The following ZFHX3 variants were observed in gnomAD, a reference collection of about 807,000 sequenced individuals.
ZFHX3 encodes zinc finger homeobox 3.
A neutral mutation model predicts 279.1 loss-of-function variants in ZFHX3; 42 were observed. That is an observed-to-expected ratio of 0.15 (90% CI 0.12 to 0.19). The LOEUF (loss-of-function observed/expected upper bound fraction) is 0.19, where lower values mean the gene tolerates loss of function less well. ZFHX3 is among the 10% of genes least tolerant of loss of function. The pLI, the probability that ZFHX3 is intolerant of heterozygous loss-of-function variation, is 1.00. For synonymous variants in ZFHX3, 2,293 were observed against 1,957.8 expected (o/e 1.17, Z -4.52); for missense variants, 4,981 against 4,754.0 (o/e 1.05, Z -1.40).
chr16:72,798,852 GA>G (rs916124529), intron 8 of ZFHX3, 138 bp from the exon 9 acceptor site: 4 of 1,396,490 alleles, frequency 2.9e-6, no homozygotes, highest in Admixed American at 6.4e-5. Flanking sequence ...CTGAATGACA[GA>G]ATCTCTGCGG....
chr16:73,682,107 A>G (rs1390723699), intron 1 of ZFHX3, among the ~76,000 whole-genome samples: 1 of 152,220 alleles, frequency 6.6e-6, no homozygotes, highest in Non-Finnish European at 1.5e-5. Context: ...GTACTTATTT[A>G]GAACTTAGGC....
chr16:73,638,522 C>A (rs961276385), intron 2 of ZFHX3, among the ~76,000 whole-genome samples: 9 of 152,238 alleles, frequency 5.9e-5, no homozygotes, highest in Admixed American at 5.2e-4. Flanking sequence ...ATGACTGTGA[C>A]CTCTTTGAAG....
chr16:73,248,809 T>G (rs1028235017), intron 5 of ZFHX3, among the ~76,000 whole-genome samples: 1 of 151,560 alleles, frequency 6.6e-6, no homozygotes, highest in African/African-American at 2.4e-5. Flanking sequence ...TATATTGAAG[T>G]TTTTTTTTAA....
chr16:73,472,292 A>G (rs1034008883), intron 2 of ZFHX3, among the ~76,000 whole-genome samples: 1 of 149,868 alleles, frequency 6.7e-6, no homozygotes, highest in African/African-American at 2.4e-5. Flanking sequence ...AAAAAACAGC[A>G]TATCTAAAGT....
At chr16:72,968,532 C>G (rs900240808) in intron 1 of ZFHX3, among the ~76,000 whole-genome samples, 2 of 150,162 alleles carry the variant, frequency 1.3e-5, no homozygotes, top group Non-Finnish European at 2.9e-5. Context: ...GCAGTCTCAG[C>G]TCACTACAAC....
chr16:73,724,981 A>T (rs2142241888), intron 1 of ZFHX3, among the ~76,000 whole-genome samples: 1 of 152,326 alleles, frequency 6.6e-6, no homozygotes, highest in Non-Finnish European at 1.5e-5. Context: ...AACACCAAGA[A>T]TTTTAAACAC....
At chr16:73,518,726 T>C (rs774678395) in intron 2 of ZFHX3, among the ~76,000 whole-genome samples, 7 of 152,210 alleles carry the variant, frequency 4.6e-5, no homozygotes, top group Non-Finnish European at 1.0e-4. Context: ...CTATCTAACA[T>C]AAATTATCCT....
At chr16:73,445,849 C>T (rs1209000429) in intron 3 of ZFHX3, among the ~76,000 whole-genome samples, 2 of 152,274 alleles carry the variant, frequency 1.3e-5, no homozygotes, top group African/African-American at 2.4e-5. Flanking sequence ...CTCCCTTTCC[C>T]CTGAGGTGGA....
chr16:73,680,603 G>T (rs1009666975), intron 1 of ZFHX3, among the ~76,000 whole-genome samples: 1 of 152,132 alleles, frequency 6.6e-6, no homozygotes, highest in African/African-American at 2.4e-5. Context: ...TGACTGAAAG[G>T]AATTTGGGAT....
intron 5 of ZFHX3, among the ~76,000 whole-genome samples, chr16:73,160,421 G>A (rs1967201734): frequency 6.6e-6 from 1 of 152,198 alleles, no homozygotes; most frequent in Non-Finnish European, 1.5e-5. Flanking sequence ...TTCACAGGAA[G>A]CAGTGTTTCT....
At chr16:73,224,674 T>C (rs1243340124) in intron 5 of ZFHX3, among the ~76,000 whole-genome samples, 1 of 152,232 alleles carries the variant, frequency 6.6e-6, no homozygotes, top group African/African-American at 2.4e-5. Context: ...CCATGTAGAA[T>C]TGTTTGCTAA....
intron 4 of ZFHX3, among the ~76,000 whole-genome samples, chr16:72,879,179 A>T (rs1336354646): frequency 6.6e-6 from 1 of 152,254 alleles, no homozygotes; most frequent in Non-Finnish European, 1.5e-5. Context: ...AGCCTGGAGT[A>T]TATAACACAG....
At chr16:72,965,080 T>A (rs912514234) in intron 1 of ZFHX3, among the ~76,000 whole-genome samples, 10 of 152,154 alleles carry the variant, frequency 6.6e-5, no homozygotes, top group Admixed American at 1.3e-4. Flanking sequence ...GGTTTCACCA[T>A]GTTGGCCAGG....
At chr16:73,731,886 G>T (rs1454913209) in intron 1 of ZFHX3, among the ~76,000 whole-genome samples, 1 of 152,184 alleles carries the variant, frequency 6.6e-6, no homozygotes, top group Non-Finnish European at 1.5e-5. Flanking sequence ...ACTGGAAAGA[G>T]CTCAGCATAT....
intron 7 of ZFHX3, among the ~76,000 whole-genome samples, chr16:73,094,109 C>T (rs997474356): frequency 6.6e-6 from 1 of 152,198 alleles, no homozygotes; most frequent in African/African-American, 2.4e-5. Context: ...CGCTCAATAG[C>T]TTTCTTATAG....
rs185006915 is a variant in ZFHX3, at chr16:73,768,551, C to T, written c.-1607-88311G>A. 1.2e-4 allele frequency among the ~76,000 whole-genome samples: 19 copies of T among 152,312 alleles called. No homozygotes were observed. In the East Asian group the frequency reaches 3.3e-3, roughly 26 times the overall value. On this transcript the variant is annotated intron_variant, in intron 1 of 17. Coordinates refer to the ZFHX3 transcript ENST00000641206. The stretch of plus-strand genomic sequence containing the variant: ...ATAGGAAAAGAGAGGTGTTGAGTGT[C>T]ACCTTAATCCTTCCTGAGATAAACA...
rs78042809 is a variant in ZFHX3, at chr16:72,940,232, C to T, written c.3216+10237G>A. Among the ~76,000 whole-genome samples, 19 of 152,256 alleles carry T rather than the reference C, an allele frequency of 1.2e-4. No homozygotes were observed. The East Asian group carries it at 3.5e-3, about 28-fold the overall frequency. On this transcript the variant is annotated intron_variant, in intron 3 of 9. Coordinates refer to ENST00000268489, the MANE Select transcript of ZFHX3 (RefSeq NM_006885.4). ...ACAAGTTTTTTAGTAACACATTACA[C>T]ATTCGTGAGCCTGAGTCTGTACAAA... is the stretch of plus-strand genomic sequence containing the variant.
chr16:73,594,938 C>A (rs754879096), intron 2 of ZFHX3, among the ~76,000 whole-genome samples: 2 of 152,118 alleles, frequency 1.3e-5, no homozygotes, highest in Non-Finnish European at 2.9e-5. Flanking sequence ...AGCCAGTGTT[C>A]TTATAACTCA....
chr16:73,382,319 C>T (rs2016830176), intron 3 of ZFHX3, among the ~76,000 whole-genome samples: 1 of 152,144 alleles, frequency 6.6e-6, no homozygotes, highest in African/African-American at 2.4e-5. Flanking sequence ...AGATGTTATA[C>T]ACAAAGTCTG....
Sources: gnomAD v4.1 joint callset for allele counts (sites outside exome capture counted in the v4.1 genomes callset) on GRCh38, gnomAD v4.1.1 for gene constraint, MANE v1.5 for transcripts, NCBI Gene and HGNC (gene_info 2026-07-23, HGNC 2026-07-21) for gene names.